The following LEPR variants were observed in gnomAD, a reference collection of about 807,000 sequenced individuals.
LEPR encodes the protein leptin receptor, also known as OB receptor.
A neutral mutation model predicts 114.7 loss-of-function variants in LEPR; 56 were observed. The ratio of observed to expected loss-of-function variants is 0.49; its 90% CI spans 0.39 to 0.61. LEPR has a LOEUF of 0.61. Ranked by LOEUF, LEPR falls within the 20% of genes least tolerant of loss-of-function variation. The pLI is 0.00. For missense variants in LEPR, 1,202 were observed against 1,352.9 expected (o/e 0.89, Z 1.75); for synonymous variants, 443 against 461.4 (o/e 0.96, Z 0.51).
intron 3 of LEPR, among the ~76,000 whole-genome samples, chr1:65,569,331 A>G (rs540586039): frequency 2.0e-5 from 3 of 152,352 alleles, no homozygotes; most frequent in Admixed American, 1.3e-4. Flanking sequence ...TGTCTATATA[A>G]GCCAACACAA....
chr1:65,507,070 A>T (rs556873423), intron 2 of LEPR, among the ~76,000 whole-genome samples: 13 of 152,066 alleles, frequency 8.5e-5, no homozygotes, highest in African/African-American at 3.1e-4. Context: ...ATTTTTTTTG[A>T]GACCAAGTCT....
chr1:65,616,418 C>G (rs1482979351), intron 15 of LEPR, among the ~76,000 whole-genome samples, 194 bp downstream of exon 15: 2 of 152,096 alleles, frequency 1.3e-5, no homozygotes, highest in Non-Finnish European at 2.9e-5. Flanking sequence ...AGTCCTTGAG[C>G]TTTCATTTGG....
chr1:65,542,452 G>T (rs991229324), intron 2 of LEPR, among the ~76,000 whole-genome samples: 10 of 150,920 alleles, frequency 6.6e-5, no homozygotes, highest in African/African-American at 2.4e-4. Context: ...GAGAAACATT[G>T]TGCCTATTCT....
chr1:65,464,818 G>T (rs1482276681), intron 2 of LEPR, among the ~76,000 whole-genome samples: 1 of 152,192 alleles, frequency 6.6e-6, no homozygotes, highest in African/African-American at 2.4e-5. Flanking sequence ...TTTGCATATA[G>T]ATGTTTATCA....
intron 3 of LEPR, among the ~76,000 whole-genome samples, chr1:65,566,213 T>TC (rs1308358322): frequency 6.8e-6 from 1 of 148,060 alleles, no homozygotes; most frequent in Non-Finnish European, 1.5e-5. Context: ...TTTTTTTTTT[T>TC]TTTTTTTTGA....
At chr1:65,635,055 C>T (rs1658669374) in intron 19 of LEPR, 2 of 868,174 alleles carry the variant, frequency 2.3e-6, no homozygotes, top group Non-Finnish European at 1.4e-6. Context: ...TAATCACTAA[C>T]ATATTTTACT....
chr1:65,456,683 T>C (rs1646880900), intron 2 of LEPR, among the ~76,000 whole-genome samples: 1 of 152,238 alleles, frequency 6.6e-6, no homozygotes, highest in African/African-American at 2.4e-5. Context: ...CATTTGTTTT[T>C]AATCTATACT....
chr1:65,551,125 T>C (rs1431086815), intron 2 of LEPR, among the ~76,000 whole-genome samples: 1 of 152,178 alleles, frequency 6.6e-6, no homozygotes, highest in Non-Finnish European at 1.5e-5. Flanking sequence ...TGCCAGTATT[T>C]TATTGAGGAT....
At chr1:65,454,639 T>G (rs868418702) in intron 2 of LEPR, among the ~76,000 whole-genome samples, 7 of 152,376 alleles carry the variant, frequency 4.6e-5, no homozygotes, top group Non-Finnish European at 7.3e-5. Flanking sequence ...GTAGGGTTTC[T>G]GCCGAGAGAT....
chr1:65,548,124 G>A (rs1056452081), intron 2 of LEPR, among the ~76,000 whole-genome samples: 2 of 152,150 alleles, frequency 1.3e-5, no homozygotes, highest in African/African-American at 4.8e-5. Context: ...GTCTTTGAGA[G>A]AGTTTCTGAA....
chr1:65,488,939 A>G (rs1647722141), intron 2 of LEPR, among the ~76,000 whole-genome samples: 1 of 152,176 alleles, frequency 6.6e-6, no homozygotes, highest in Non-Finnish European at 1.5e-5. Flanking sequence ...GTTGTTGCAA[A>G]TGACAGGATT....
intron 10 of LEPR, among the ~76,000 whole-genome samples, chr1:65,603,758 A>G (rs1656619911): frequency 6.6e-6 from 1 of 150,886 alleles, no homozygotes; most frequent in South Asian, 2.1e-4. Context: ...GTGGCCCAAG[A>G]CAGTTCTTCT....
chr1:65,476,854 T>C (rs1171985618), intron 2 of LEPR, among the ~76,000 whole-genome samples: 3 of 152,202 alleles, frequency 2.0e-5, no homozygotes, highest in Non-Finnish European at 1.5e-5. Flanking sequence ...TTTTTGAGCA[T>C]AGAACTTAAA....
Position 65,572,303 on chromosome 1 carries a change from T to TG in LEPR, c.371-23_371-22insG, listed in dbSNP as rs1557670742. Reference sequence around the variant, plus strand: ...TTTCATGTAGTTGTTTTTTTTTTTTTTTTTTTTTTTTTTTAAATTCAGATG... The same window carrying TG: ...TTTCATGTAGTTGTTTTTTTTTTTTTGTTTTTTTTTTTTTTAAATTCAGATG... On this transcript the variant is annotated intron_variant, in intron 4 of 19. Transcript: ENST00000349533. The TG allele has an allele frequency of 4.2e-6, 6 of 1,418,514 alleles. No individual in the cohort carries two copies. The African/African-American group carries it at 4.4e-5, about 10-fold the overall frequency. The allele number at this position is 1,418,514 out of a possible 1,614,324, so 87.9% of individuals were successfully genotyped here.
At chr1:65,544,302 A>G (rs1651473067) in intron 2 of LEPR, among the ~76,000 whole-genome samples, 1 of 151,936 alleles carries the variant, frequency 6.6e-6, no homozygotes, top group African/African-American at 2.4e-5. Context: ...GTATCCTGAG[A>G]CTTTGCTGAA....
intron 1 of LEPR, among the ~76,000 whole-genome samples, chr1:65,424,242 T>C (rs555774254): frequency 6.6e-6 from 1 of 152,198 alleles, no homozygotes; most frequent in East Asian, 1.9e-4. Context: ...TGCACACTAG[T>C]TGGGAATTGT....
intron 2 of LEPR, among the ~76,000 whole-genome samples, chr1:65,563,515 C>T (rs1242734067): frequency 5.4e-4 from 17 of 31,696 alleles, no homozygotes; most frequent in African/African-American, 1.8e-3. Context: ...TCCCGTAGCT[C>T]AGAGTAATTT....
intron 2 of LEPR, among the ~76,000 whole-genome samples, chr1:65,526,746 G>A (rs1649997835): frequency 6.6e-6 from 1 of 152,116 alleles, no homozygotes; most frequent in Non-Finnish European, 1.5e-5. Flanking sequence ...TCAAGTTGGA[G>A]GGTTGGATTA....
At chr1:65,598,247 T>A in intron 7 of LEPR, among the ~76,000 whole-genome samples, 1 of 151,950 alleles carries the variant, frequency 6.6e-6, no homozygotes, top group East Asian at 1.9e-4. Context: ...CTCAGGTTCT[T>A]AAGACTTTTC....
Sources: allele counts gnomAD v4.1 joint callset (sites outside exome capture counted in the v4.1 genomes callset), GRCh38; gene constraint gnomAD v4.1.1; transcripts MANE v1.5; gene names NCBI Gene and HGNC (gene_info 2026-07-23, HGNC 2026-07-21).